The following CACNB2 variants were observed in gnomAD, a reference collection of about 807,000 sequenced individuals.
CACNB2 encodes the protein voltage-dependent L-type calcium channel subunit beta-2.
Under a neutral mutation model 73.3 loss-of-function variants are expected in CACNB2, and 42 were observed. The ratio of observed to expected loss-of-function variants is 0.57; its 90% confidence interval spans 0.45 to 0.74. The LOEUF is 0.74. CACNB2 is among the 30% of genes least tolerant of loss of function. CACNB2 has a pLI of 0.00. For missense variants in CACNB2, 940 were observed against 853.0 expected (o/e 1.10, Z -1.27); for synonymous variants, 348 against 310.3 (o/e 1.12, Z -1.28).
intron 2 of CACNB2, among the ~76,000 whole-genome samples, chr10:18,392,974 C>T (rs2043548689): frequency 6.6e-6 from 1 of 151,978 alleles, no homozygotes; most frequent in African/African-American, 2.4e-5. Context: ...TTTGGGAGGC[C>T]GAGGCAGGTA....
At chr10:18,489,182 G>A (rs1173152494) in intron 3 of CACNB2, among the ~76,000 whole-genome samples, 5 of 151,968 alleles carry the variant, frequency 3.3e-5, no homozygotes, top group Admixed American at 1.3e-4. Flanking sequence ...CCGCGCCACT[G>A]CACTCCAGCC....
chr10:18,516,716 G>A (rs1194311745), intron 7 of CACNB2, among the ~76,000 whole-genome samples: 1 of 152,156 alleles, frequency 6.6e-6, no homozygotes. Flanking sequence ...CAAAACAACA[G>A]CCTGAGATTC....
chr10:18,358,529 T>G (rs1260455209), intron 2 of CACNB2, among the ~76,000 whole-genome samples: 4 of 35,054 alleles, frequency 1.1e-4, no homozygotes, highest in African/African-American at 4.3e-4. Flanking sequence ...TCTCTCTCTC[T>G]CTCTCTCTCT....
intron 1 of CACNB2, among the ~76,000 whole-genome samples, chr10:18,144,993 G>C (rs1431601033): frequency 6.6e-6 from 1 of 152,154 alleles, no homozygotes; most frequent in Non-Finnish European, 1.5e-5. Context: ...GGAAACGGAG[G>C]AGTAACAAGA....
chr10:18,523,903 T>C (rs946415548), intron 9 of CACNB2, among the ~76,000 whole-genome samples: 10 of 152,266 alleles, frequency 6.6e-5, no homozygotes, highest in African/African-American at 1.2e-4. Flanking sequence ...CGAAAGGTTC[T>C]AGGTAGTCAA....
At chr10:18,496,598 A>G (rs931951520) in intron 3 of CACNB2, among the ~76,000 whole-genome samples, 10 of 152,062 alleles carry the variant, frequency 6.6e-5, no homozygotes, top group African/African-American at 2.4e-4. Flanking sequence ...AGATCACCTG[A>G]GGTCAGGAGT....
At chr10:18,386,390 T>C (rs751121782) in intron 2 of CACNB2, among the ~76,000 whole-genome samples, 41 of 146,678 alleles carry the variant, frequency 2.8e-4, no homozygotes, top group Admixed American at 7.8e-4. Context: ...TGTTGCTCTT[T>C]TATTTATGAT....
chr10:18,148,303 C>T (rs992054927), intron 1 of CACNB2, among the ~76,000 whole-genome samples: 17 of 151,916 alleles, frequency 1.1e-4, no homozygotes, highest in Non-Finnish European at 2.5e-4. Flanking sequence ...TTTTTTTTCT[C>T]AAAACTATCA....
intron 2 of CACNB2, among the ~76,000 whole-genome samples, chr10:18,310,318 T>G (rs1033729653): frequency 6.6e-6 from 1 of 151,992 alleles, no homozygotes; most frequent in Non-Finnish European, 1.5e-5. Context: ...AAAAAGTGAT[T>G]TTTTAGGCTG....
intron 6 of CACNB2, 130 bp from the exon 7 acceptor site, chr10:18,514,106 C>T (rs202192328): frequency 3.4e-6 from 3 of 877,726 alleles, no homozygotes; most frequent in South Asian, 1.4e-5. Flanking sequence ...ATTTAATTTT[C>T]TTGCGTACTG....
chr10:18,443,500 G>A (rs940922568), intron 3 of CACNB2, among the ~76,000 whole-genome samples: 1 of 152,078 alleles, frequency 6.6e-6, no homozygotes, highest in Non-Finnish European at 1.5e-5. Context: ...TTCCTGAGAG[G>A]CATAAGGGGA....
intron 2 of CACNB2, among the ~76,000 whole-genome samples, chr10:18,390,050 G>C (rs770209033): frequency 3.3e-5 from 5 of 152,208 alleles, no homozygotes; most frequent in Admixed American, 6.5e-5. Flanking sequence ...CAAGTGTGTA[G>C]TTCCCTGGAG....
At chr10:18,336,229 G>T (rs1439550595) in intron 2 of CACNB2, among the ~76,000 whole-genome samples, 2 of 152,216 alleles carry the variant, frequency 1.3e-5, no homozygotes, top group Non-Finnish European at 2.9e-5. Flanking sequence ...TATGGGAAAG[G>T]TTTAAGTATT....
chr10:18,157,790 G>C (rs2032166111), intron 2 of CACNB2, among the ~76,000 whole-genome samples: 1 of 152,148 alleles, frequency 6.6e-6, no homozygotes, highest in Non-Finnish European at 1.5e-5. Flanking sequence ...TTTCATCTAA[G>C]GAAGACATGC....
intron 3 of CACNB2, among the ~76,000 whole-genome samples, chr10:18,443,252 C>T (rs914660230): frequency 9.2e-5 from 14 of 151,684 alleles, no homozygotes; most frequent in Non-Finnish European, 1.5e-5. Flanking sequence ...TCTGTGCAAA[C>T]GAGGGCCAGT....
chr10:18,493,599 T>G (rs1197600057), intron 3 of CACNB2, among the ~76,000 whole-genome samples: 3 of 152,152 alleles, frequency 2.0e-5, no homozygotes, highest in Non-Finnish European at 4.4e-5. Flanking sequence ...TTTTCTGTAA[T>G]CCCGTTACCT....
chr10:18,231,590 C>G (rs1415636012), intron 2 of CACNB2, among the ~76,000 whole-genome samples: 4 of 152,186 alleles, frequency 2.6e-5, no homozygotes, highest in Non-Finnish European at 2.9e-5. Flanking sequence ...TGTTTCTTAT[C>G]CATTGAACCT....
At chr10:18,234,234 T>C (rs1019116491) in intron 2 of CACNB2, 3 of 152,226 alleles carry the variant, frequency 2.0e-5, no homozygotes, top group African/African-American at 2.4e-5. Context: ...TGGAGGTGTC[T>C]GGGTCACTTT....
chr10:18,378,325 AC>A (rs983343750), intron 2 of CACNB2, among the ~76,000 whole-genome samples: 144 of 152,284 alleles, frequency 9.5e-4, no homozygotes, highest in African/African-American at 3.3e-3. Context: ...ATTATTTGTT[AC>A]CAAAAACACT....
Sources: gnomAD v4.1 joint callset for allele counts (sites outside exome capture counted in the v4.1 genomes callset) on GRCh38, gnomAD v4.1.1 for gene constraint, MANE v1.5 for transcripts, NCBI Gene and HGNC (gene_info 2026-07-23, HGNC 2026-07-21) for gene names.